Variants in ARID2 observed in about 807,000 individuals in gnomAD.
ARID2 encodes AT-rich interactive domain-containing protein 2.
ARID2 carries 32 observed loss-of-function variants against 184.6 expected under a neutral mutation model. The ratio of observed to expected loss-of-function variants is 0.17; its 90% CI spans 0.13 to 0.23. The LOEUF is 0.23. ARID2 is among the 10% of genes least tolerant of loss of function. The probability of loss-of-function intolerance (pLI) is 1.00; values close to 1 mark genes in which losing one functional copy is unlikely to be tolerated. For missense variants in ARID2, 1,696 were observed against 2,197.6 expected (o/e 0.77, Z 4.56); for synonymous variants, 836 against 772.6 (o/e 1.08, Z -1.36).
intron 3 of ARID2, among the ~76,000 whole-genome samples, chr12:45,745,164 A>G (rs1293517784): frequency 1.3e-5 from 2 of 152,244 alleles, no homozygotes; most frequent in Non-Finnish European, 2.9e-5. Flanking sequence ...AATGTTTTGT[A>G]GAAGCCCAGT....
chr12:45,783,343 G>A (rs1942132896), intron 3 of ARID2, among the ~76,000 whole-genome samples: 1 of 152,186 alleles, frequency 6.6e-6, no homozygotes, highest in African/African-American at 2.4e-5. Context: ...ATCATAACAT[G>A]TAGGGGGTTA....
chr12:45,846,856 C>T lies in ARID2; in HGVS notation c.1499C>T (p.Ala500Val), dbSNP rs144591817. The T allele has an allele frequency of 1.2e-6, 2 of 1,610,832 alleles. No individual in the cohort carries two copies. The highest frequency in any genetic ancestry group is 1.7e-5 in the Admixed American group (1 of 59,568). Residue 500 changes from alanine to valine, a missense_variant and splice_region_variant, in exon 12 of 21, where the codon GCT becomes GTT. Coordinates refer to ENST00000334344, the MANE Select transcript of ARID2 (RefSeq NM_152641.4). ...GTAGCTAATGTATTTTTTTCTTTAG[C>T]TTCCAGAGCAGTTGTAGCGCAGCAT... ...QTQTHVASAPASRAVVAQHVA... is the reference protein window; with the variant it reads ...QTQTHVASAPVSRAVVAQHVA...
intron 11 of ARID2, among the ~76,000 whole-genome samples, chr12:45,842,529 C>T (rs75958531): frequency 4.6e-5 from 7 of 151,796 alleles, no homozygotes; most frequent in Non-Finnish European, 8.8e-5. Context: ...GAGGCCAAGG[C>T]GGGCAGATCT....
In ARID2 at chr12:45,837,529, A is replaced by G. The variant is rs1943243012; in HGVS notation, c.1152A>G (p.Ala384=). 1 of 1,613,936 alleles carries G rather than the reference A, an allele frequency of 6.2e-7. No homozygotes were observed. The highest frequency in any genetic ancestry group is 1.3e-5 in the African/African-American group (1 of 74,950). Residue 384 remains alanine (A), a synonymous_variant, in exon 10 of 21, where the codon GCA becomes GCG. Coordinates refer to ENST00000334344, the MANE Select transcript of ARID2 (RefSeq NM_152641.4). Reference sequence around the variant, plus strand: ...AAATTTTGGGAAATCTTTGCAAAGCAGAAGATAATGGTGTTTTAATTTGTG... The same window carrying G: ...AAATTTTGGGAAATCTTTGCAAAGCGGAAGATAATGGTGTTTTAATTTGTG... The part of the protein sequence containing the change: ...GMEILGNLCK[A]EDNGVLICEY...
In ARID2 at chr12:45,907,860, A is replaced by G. The variant is rs1405925255; in HGVS notation, c.*2782A>G. On this transcript the variant is annotated 3_prime_UTR_variant, in exon 21 of 21. Coordinates refer to ENST00000334344, the MANE Select transcript of ARID2 (RefSeq NM_152641.4). Reference sequence around the variant, plus strand: ...GCACTCAATAAATTTTAAGTAACAAAATTGATAATCATATAGCGAAGGCAT... The same window carrying G: ...GCACTCAATAAATTTTAAGTAACAAGATTGATAATCATATAGCGAAGGCAT... 3 of 231,832 alleles carry G rather than the reference A, an allele frequency of 1.3e-5. No homozygotes were observed. The East Asian group carries it at 1.8e-4, about 14-fold the overall frequency. 14.4% of individuals were successfully genotyped at this position (231,832 alleles called of 1,614,324 possible). A position where few individuals can be genotyped will look rare whatever the true frequency, so the allele number is the denominator to read the frequency against.
In ARID2 at chr12:45,851,085, A is replaced by G. The variant is rs1263015225; in HGVS notation, c.2962A>G (p.Met988Val). Residue 988 changes from methionine to valine, a missense_variant, in exon 15 of 21, where the codon ATG becomes GTG. By Grantham distance (21) the Met-to-Val change is conservative (BLOSUM62 1). Transcript: ENST00000334344. The part of the protein sequence containing the change: ...PATNNQVPTA[M>V]SSSSTPQSQG... ...TACTAATAACCAAGTCCCTACTGCC[A>G]TGTCGTCGTCCTCTACCCCTCAATC... 1 of 1,614,102 alleles carries G rather than the reference A, an allele frequency of 6.2e-7. No individual in the cohort carries two copies. The highest frequency in any genetic ancestry group is 1.3e-5 in the African/African-American group (1 of 75,028).
intron 4 of ARID2, among the ~76,000 whole-genome samples, chr12:45,816,405 G>A (rs1942803502): frequency 6.6e-6 from 1 of 152,192 alleles, no homozygotes; most frequent in African/African-American, 2.4e-5. Flanking sequence ...CTCATTTAGA[G>A]TATTTAGAAC....
intron 12 of ARID2, among the ~76,000 whole-genome samples, chr12:45,848,363 GA>G (rs1943480576): frequency 6.6e-6 from 1 of 152,048 alleles, no homozygotes; most frequent in Non-Finnish European, 1.5e-5. Flanking sequence ...GGAAGTAGCT[GA>G]AAAGCTTGGA....
chr12:45,830,788 G>A (rs1229274227), intron 6 of ARID2, among the ~76,000 whole-genome samples: 4 of 152,110 alleles, frequency 2.6e-5, no homozygotes, highest in East Asian at 1.9e-4. Flanking sequence ...GGTGGCTCAC[G>A]CCTATAATCC....
At chr12:45,841,026 T>G (rs1193213124) in intron 11 of ARID2, 2 of 152,168 alleles carry the variant, frequency 1.3e-5, no homozygotes, top group South Asian at 2.1e-4. Context: ...GGTCAGAATA[T>G]TAATGGTTTC....
chr12:45,845,160 A>G (rs944269293), intron 11 of ARID2, among the ~76,000 whole-genome samples: 9 of 152,120 alleles, frequency 5.9e-5, no homozygotes, highest in Admixed American at 1.3e-4. Flanking sequence ...CATGATTTCA[A>G]CGTAATTTCT....
intron 16 of ARID2, among the ~76,000 whole-genome samples, chr12:45,887,626 G>C (rs1944216801): frequency 6.6e-6 from 1 of 152,192 alleles, no homozygotes; most frequent in Non-Finnish European, 1.5e-5. Context: ...TACTGGATGA[G>C]AACGGAAAAG....
At position 45,771,356 on chromosome 12, in the gene ARID2, C is replaced by CAA. The variant is rs57398188; in HGVS notation, c.285-40046_285-40045dup. Among the ~76,000 whole-genome samples the CAA allele has an allele frequency of 3.1e-3, 207 of 66,450 alleles. 1 individual carries two copies. Among genetic ancestry groups the CAA allele is most frequent in the African/African-American group, 8.6e-3 (202 of 23,516 alleles). The allele number at this position is 66,450 out of a possible 152,430, so 43.6% of individuals were successfully genotyped here. On this transcript the variant is annotated intron_variant, in intron 3 of 20. Transcript: ENST00000334344. ...TGGGCAACAGATTGAGAGTCCATGT[C>CAA]AAAAAAAAAAAAAAAAAGCAATTGT...
rs113700116 is a variant in ARID2 at position 45,832,129 on chromosome 12, T to C, written c.706-4460T>C. Reference sequence around the variant, plus strand: ...GTTGAGTTTAGGCTCTCAACTTTTATTTATCTAAAAATTTTATTTTGCCTT... The same window carrying C: ...GTTGAGTTTAGGCTCTCAACTTTTACTTATCTAAAAATTTTATTTTGCCTT... On this transcript the variant is annotated intron_variant, in intron 6 of 20. Transcript: ENST00000334344. Among the ~76,000 whole-genome samples the C allele has an allele frequency of 1.3e-3, 196 of 152,290 alleles. 1 individual carries two copies. The highest frequency in any genetic ancestry group is 4.5e-3 in the African/African-American group (189 of 41,576).
At chr12:45,834,642 T>C (rs1358953283) in intron 6 of ARID2, among the ~76,000 whole-genome samples, 2 of 151,678 alleles carry the variant, frequency 1.3e-5, no homozygotes, top group Non-Finnish European at 2.9e-5. Flanking sequence ...ACTTGGGAGG[T>C]TGAGGCAGAA....
chr12:45,815,538 A>T (rs909321832), intron 4 of ARID2, among the ~76,000 whole-genome samples: 6 of 152,190 alleles, frequency 3.9e-5, no homozygotes, highest in Non-Finnish European at 8.8e-5. Context: ...CTTTACTTAC[A>T]TGATATTCTT....
intron 3 of ARID2, among the ~76,000 whole-genome samples, chr12:45,772,701 T>G (rs2138026523): frequency 6.6e-6 from 1 of 152,292 alleles, no homozygotes; most frequent in African/African-American, 2.4e-5. Context: ...TAAGAAGACA[T>G]AATAATTGTA....
At chr12:45,789,965 A>C (rs986161318) in intron 3 of ARID2, among the ~76,000 whole-genome samples, 4 of 152,198 alleles carry the variant, frequency 2.6e-5, no homozygotes, top group Admixed American at 6.5e-5. Context: ...AAAAACCAAA[A>C]CAAAACAAAA....
chr12:45,752,211 C>T (rs1317693564), intron 3 of ARID2, among the ~76,000 whole-genome samples: 5 of 152,134 alleles, frequency 3.3e-5, no homozygotes, highest in Non-Finnish European at 7.4e-5. Flanking sequence ...AATTATTGAA[C>T]GCCATGAACA....
Sources: gnomAD v4.1 joint callset for allele counts (sites outside exome capture counted in the v4.1 genomes callset) on GRCh38, gnomAD v4.1.1 for gene constraint, MANE v1.5 for transcripts, NCBI Gene and HGNC (gene_info 2026-07-23, HGNC 2026-07-21) for gene names.